PFKFB3: variants seen among roughly 807,000 people sequenced by gnomAD.
The protein encoded by PFKFB3 is 6-phosphofructo-2-kinase/fructose-2,6-biphosphatase 3, also known as 6-phosphofructo-2-kinase/fructose-2,6-bisphosphatase 3.
In PFKFB3, 33 loss-of-function variants were observed where a neutral mutation model predicts 68.0. The ratio of observed to expected loss-of-function variants is 0.49; its 90% CI spans 0.37 to 0.65. PFKFB3 has a LOEUF of 0.65. Among genes scored for constraint, PFKFB3 ranks in the 30% least tolerant of loss-of-function variants. The pLI is 0.00. For synonymous variants in PFKFB3, 315 were observed against 288.2 expected (o/e 1.09, Z -0.94); for missense variants, 586 against 712.2 (o/e 0.82, Z 2.02).
At chr10:6,203,401 G>T in intron 1 of PFKFB3, 65 bp downstream of exon 1, 1 of 1,276,380 alleles carries the variant, frequency 7.8e-7, no homozygotes, top group Non-Finnish European at 1.1e-6. Flanking sequence ...ATTGTGTGGG[G>T]CGGCTTTGTG....
chr10:6,146,187 G>C (rs1289710748), intron 1 of PFKFB3: 4 of 1,402,248 alleles, frequency 2.9e-6, no homozygotes, highest in Non-Finnish European at 3.7e-6. Context: ...GTGCTGTGCC[G>C]TCTCTCCCTT....
downstream of PFKFB3, among the ~76,000 whole-genome samples, chr10:6,256,088 C>T (rs73617629): frequency 0.038 from 5,831 of 152,242 alleles, 336 homozygotes; most frequent in African/African-American, 0.13. Flanking sequence ...ATAGTCATTC[C>T]GCCCCCGGCC....
In PFKFB3 at chr10:6,221,355, A is replaced by G. The variant is rs763815755; in HGVS notation, c.832-26A>G. On this transcript the variant is annotated intron_variant, in intron 8 of 14. Coordinates refer to ENST00000379775, the MANE Select transcript of PFKFB3 (RefSeq NM_004566.4). Reference sequence around the variant, plus strand: ...GGAGGAGCTGCGGGCATCTGGAATCAGTGGTCCCCCTCCACCACCTCTCAG... The same window carrying G: ...GGAGGAGCTGCGGGCATCTGGAATCGGTGGTCCCCCTCCACCACCTCTCAG... The G allele has an allele frequency of 1.2e-5, 19 of 1,612,584 alleles. No homozygotes were observed. The East Asian group carries it at 4.2e-4, about 36-fold the overall frequency.
chr10:6,248,642 A>AG (rs1434367788), intron 14 of PFKFB3, among the ~76,000 whole-genome samples: 1 of 147,910 alleles, frequency 6.8e-6, no homozygotes, highest in East Asian at 2.0e-4. Flanking sequence ...AAAAAAAAAA[A>AG]AAAAAAAAAA....
chr10:6,188,323 A>C (rs1842928802), intron 1 of PFKFB3, among the ~76,000 whole-genome samples: 1 of 151,638 alleles, frequency 6.6e-6, no homozygotes, highest in African/African-American at 2.4e-5. Context: ...CTTTACCTTT[A>C]GCAAAATCAA....
chr10:6,187,949 TTCTA>T (rs36144362), intron 1 of PFKFB3, among the ~76,000 whole-genome samples: 15,947 of 149,600 alleles, frequency 0.11, 1,061 homozygotes, highest in Non-Finnish European at 0.14. Flanking sequence ...CCCTCTCCAT[TTCTA>T]TCTATCTATC....
the PFKFB3 span, among the ~76,000 whole-genome samples, chr10:6,291,576 T>C: frequency 6.8e-6 from 1 of 146,060 alleles, no homozygotes; most frequent in Non-Finnish European, 1.5e-5. Flanking sequence ...AAAAAAAAAG[T>C]GTCCTGTTTA....
At chr10:6,153,459 T>A (rs978657183) in intron 1 of PFKFB3, among the ~76,000 whole-genome samples, 8 of 151,776 alleles carry the variant, frequency 5.3e-5, no homozygotes, top group Non-Finnish European at 1.2e-4. Context: ...ATGCTTTGAG[T>A]GGCTGGTAGG....
chr10:6,319,510 G>A, the PFKFB3 span, among the ~76,000 whole-genome samples: 1 of 152,166 alleles, frequency 6.6e-6, no homozygotes, highest in East Asian at 1.9e-4. Flanking sequence ...TTGGAAAGGT[G>A]GGAGGAGGGT....
the PFKFB3 span, among the ~76,000 whole-genome samples, chr10:6,304,891 A>G: frequency 3.4e-5 from 5 of 145,918 alleles, no homozygotes; most frequent in African/African-American, 1.3e-4. Context: ...TATGTTGCCC[A>G]GGCTGGCCTT....
At chr10:6,208,869 G>A (rs1205823197) in intron 1 of PFKFB3, among the ~76,000 whole-genome samples, 2 of 152,194 alleles carry the variant, frequency 1.3e-5, no homozygotes, top group African/African-American at 4.8e-5. Context: ...ACGGCTGAGT[G>A]TTCACCAGCC....
chr10:6,304,324 A>G, the PFKFB3 span, among the ~76,000 whole-genome samples: 1 of 151,850 alleles, frequency 6.6e-6, no homozygotes, highest in Non-Finnish European at 1.5e-5. Flanking sequence ...AACCTGTGTA[A>G]CCTGAGACAT....
At chr10:6,287,406 A>G in the PFKFB3 span, among the ~76,000 whole-genome samples, 160 of 152,200 alleles carry the variant, frequency 1.1e-3, 2 homozygotes, top group East Asian at 0.028. Flanking sequence ...ATAATACTGT[A>G]TTTTTACTGT....
intron 1 of PFKFB3, among the ~76,000 whole-genome samples, chr10:6,179,809 CTTCCCCA>C (rs1345432309): frequency 1.3e-5 from 2 of 152,146 alleles, no homozygotes; most frequent in African/African-American, 4.8e-5. Flanking sequence ...GAGAGCCCAC[CTTCCCCA>C]AAGGCTGCTG....
the PFKFB3 span, among the ~76,000 whole-genome samples, chr10:6,323,707 G>A: frequency 6.6e-6 from 1 of 152,188 alleles, no homozygotes; most frequent in Non-Finnish European, 1.5e-5. Context: ...AAGACCATCA[G>A]TATCACTTCA....
intron 14 of PFKFB3, among the ~76,000 whole-genome samples, chr10:6,243,312 T>G (rs1846182791): frequency 6.6e-6 from 1 of 152,238 alleles, no homozygotes; most frequent in African/African-American, 2.4e-5. Flanking sequence ...TTTTGTCAGT[T>G]CTGAGATTTG....
At chr10:6,253,188 G>C (rs1472019207) in intron 14 of PFKFB3, among the ~76,000 whole-genome samples, 1 of 152,172 alleles carries the variant, frequency 6.6e-6, no homozygotes, top group Non-Finnish European at 1.5e-5. Flanking sequence ...AAAGTGCTGG[G>C]ATTATAGGCA....
At chr10:6,313,132 C>A in the PFKFB3 span, among the ~76,000 whole-genome samples, 2 of 152,158 alleles carry the variant, frequency 1.3e-5, no homozygotes, top group Non-Finnish European at 1.5e-5. The surrounding 1 kb of genome is among the most constrained non-coding windows in gnomAD (Gnocchi z 4.2). Context: ...TTAATTATTG[C>A]TTGTTTGAAA....
downstream of PFKFB3, among the ~76,000 whole-genome samples, chr10:6,256,739 C>T (rs1846499463): frequency 6.6e-6 from 1 of 152,206 alleles, no homozygotes; most frequent in Admixed American, 6.5e-5. Flanking sequence ...AACCTGTAGG[C>T]AGAGATGGGA....
Sources: allele counts gnomAD v4.1 joint callset (sites outside exome capture counted in the v4.1 genomes callset), GRCh38; gene constraint gnomAD v4.1.1; non-coding constraint Gnocchi (gnomAD v3.1); transcripts MANE v1.5; gene names NCBI Gene and HGNC (gene_info 2026-07-23, HGNC 2026-07-21).